The following ADAMTS10 variants were observed in gnomAD, a reference collection of about 807,000 sequenced individuals.
The protein encoded by ADAMTS10 is A disintegrin and metalloproteinase with thrombospondin motifs 10.
In ADAMTS10, 48 loss-of-function variants were observed where a neutral mutation model predicts 135.9. The observed-to-expected ratio is 0.35, with a 90% CI of 0.28 to 0.45. The LOEUF (loss-of-function observed/expected upper bound fraction) is 0.45, where lower values mean the gene tolerates loss of function less well. ADAMTS10 is among the 20% of genes least tolerant of loss of function. The pLI is 1.00. For synonymous variants in ADAMTS10, 621 were observed against 647.5 expected, an observed-to-expected ratio of 0.96 and a Z score of 0.62; for missense variants, 1,131 against 1,565.2, an observed-to-expected ratio of 0.72 and a Z score of 4.68.
At chr19:8,585,423 T>C (rs2146039661) in intron 23 of ADAMTS10, 33 bp downstream of exon 23, 1 of 1,537,422 alleles carries the variant, frequency 6.5e-7, no homozygotes, top group East Asian at 2.5e-5. Flanking sequence ...CACCTGGGCA[T>C]CCCAGTGGGC....
At chr19:8,610,422 GACAC>G (rs111492620) in intron 1 of ADAMTS10, among the ~76,000 whole-genome samples, 32 of 145,712 alleles carry the variant, frequency 2.2e-4, no homozygotes, top group African/African-American at 4.4e-4. Context: ...TACGTGGACG[GACAC>G]ACACACACAC....
At position 8,580,366 on chromosome 19, in the gene ADAMTS10, G is replaced by A. The variant is rs1005550265; in HGVS notation, c.*527C>T. 11 of 158,730 alleles carry A rather than the reference G, an allele frequency of 6.9e-5. No homozygotes were observed. The highest frequency in any genetic ancestry group is 1.3e-4 in the Non-Finnish European group (9 of 71,158). The allele number at this position is 158,730 out of a possible 1,614,324, so 9.8% of individuals were successfully genotyped here. ...CTGGATGTCGGGGTGCCCCTGGGGC[G>A]GGCAGGGCAGAGGTTGGGGTGGATC... On this transcript the variant is annotated 3_prime_UTR_variant, in exon 26 of 26. Coordinates refer to ENST00000597188, the MANE Select transcript of ADAMTS10 (RefSeq NM_030957.4).
chr19:8,595,698 T>TCCCAA, intron 12 of ADAMTS10, 64 bp downstream of exon 12: 35 of 1,291,946 alleles, frequency 2.7e-5, no homozygotes, highest in Non-Finnish European at 3.7e-5. Flanking sequence ...CTGGTGGAGT[T>TCCCAA]CCCTCCCCCA....
rs782064165 is a variant in ADAMTS10 at position 8,585,600 on chromosome 19, G to C, written c.2721C>G (p.Arg907=). The change falls in exon 23 of 26, where the codon CGC becomes CGG. Residue 907 remains arginine, a synonymous_variant. Coordinates refer to ENST00000597188, the MANE Select transcript of ADAMTS10 (RefSeq NM_030957.4). ...AGACGCGGCGCTGGCACACGACCGA[G>C]CGGCTGCGCACGCCTGCATCGCAGC... The part of the protein sequence containing the change: ...SRSCDAGVRS[R]SVVCQRRVSA... 4.3e-6 allele frequency: 7 copies of C among 1,610,756 alleles called. No homozygotes were observed. In the East Asian group the frequency reaches 1.6e-4, roughly 36 times the overall value.
At chr19:8,607,821 T>C (rs1338425706) in intron 2 of ADAMTS10, among the ~76,000 whole-genome samples, 1 of 126,784 alleles carries the variant, frequency 7.9e-6, no homozygotes, top group African/African-American at 2.9e-5. Context: ...TCTCTCTCTC[T>C]TTTTTTTTGA....
At chr19:8,585,956 C>G (rs921811866) in intron 22 of ADAMTS10, among the ~76,000 whole-genome samples, 166 bp downstream of exon 22, 1 of 152,126 alleles carries the variant, frequency 6.6e-6, no homozygotes, top group Admixed American at 6.6e-5. Context: ...GGCACTATTA[C>G]CTTGGACTCC....
In ADAMTS10 at chr19:8,592,336, T is replaced by C. The variant is rs1568398905; in HGVS notation, c.1588-233A>G. On this transcript the variant is annotated intron_variant, in intron 13 of 25. Transcript: ENST00000597188. ...ACAGGGTGCTTAACGGGGAGGGGTG[T>C]AGACAGGACCACGATAAGCGTGGAG... 8.5e-5 allele frequency: 66 copies of C among 777,930 alleles called. 1 individual carries two copies. In the South Asian group the frequency reaches 1.2e-3, roughly 14 times the overall value. 48.2% of individuals were successfully genotyped at this position (777,930 alleles called of 1,614,324 possible).
At chr19:8,600,315 G>A (rs782421083) in intron 6 of ADAMTS10, among the ~76,000 whole-genome samples, 2 of 152,080 alleles carry the variant, frequency 1.3e-5, no homozygotes, top group African/African-American at 4.8e-5. Flanking sequence ...GTGGCAGAGC[G>A]GAAATTTAAG....
Position 8,605,526 on chromosome 19 carries a change from C to T in ADAMTS10, c.88+97G>A, listed in dbSNP as rs2042712010. ...GACCCCAGGGCCTTCCCCCATTGAC[C>T]CCCATCCCAGCCCCCTGATGCCTCT... On this transcript the variant is annotated intron_variant, in intron 3 of 25. Coordinates refer to ENST00000597188, the MANE Select transcript of ADAMTS10 (RefSeq NM_030957.4). The surrounding 1 kb of genome is among the most constrained non-coding windows in gnomAD (Gnocchi z 7.7). 3.4e-6 allele frequency: 5 copies of T among 1,491,042 alleles called. No individual in the cohort carries two copies. Among genetic ancestry groups the T allele is most frequent in the South Asian group, 1.2e-5 (1 of 82,998 alleles). 92.4% of individuals were successfully genotyped at this position (1,491,042 alleles called of 1,614,324 possible).
At chr19:8,592,600 G>A (rs1037366089) in intron 13 of ADAMTS10, among the ~76,000 whole-genome samples, 163 bp downstream of exon 13, 1 of 150,798 alleles carries the variant, frequency 6.6e-6, no homozygotes, top group Non-Finnish European at 1.5e-5. Flanking sequence ...ACGCGGGAAG[G>A]AGCAAGCAGT....
Position 8,586,473 on chromosome 19 carries a change from G to A in ADAMTS10, c.2404-3C>T. 6.2e-7 allele frequency: 1 copy of A among 1,613,510 alleles called. No individual in the cohort carries two copies. Among genetic ancestry groups the A allele is most frequent in the Non-Finnish European group, 8.5e-7 (1 of 1,179,998 alleles). On this transcript the variant is annotated splice_polypyrimidine_tract_variant and splice_region_variant and intron_variant, in intron 20 of 25. Transcript: ENST00000597188. ...GGCAGCTCGGTCCGGGCCAGCACCT[G>A]GAGAAAGGGGGCGGCAGCCAGTGGA...
intron 11 of ADAMTS10, 60 bp from the exon 12 acceptor site, chr19:8,595,963 C>T: frequency 6.2e-7 from 1 of 1,614,076 alleles, no homozygotes; most frequent in Non-Finnish European, 8.5e-7. Context: ...GCTCAGGAGC[C>T]TCAGCTGGAT....
chr19:8,601,201 C>A lies in ADAMTS10; in HGVS notation c.593-56G>T. 2 of 1,572,476 alleles carry A rather than the reference C, an allele frequency of 1.3e-6. No homozygotes were observed. The highest frequency in any genetic ancestry group is 1.7e-6 in the Non-Finnish European group (2 of 1,155,764). On this transcript the variant is annotated intron_variant, in intron 5 of 25. Coordinates refer to ENST00000597188, the MANE Select transcript of ADAMTS10 (RefSeq NM_030957.4). The surrounding 1 kb of genome is among the most constrained non-coding windows in gnomAD (Gnocchi z 4.6). Reference sequence around the variant, plus strand: ...GCCCTGCTGGTGGGACGCAGAGCTGCCTGACAACTGTCTTGTCCAACCTCT... The same window carrying A: ...GCCCTGCTGGTGGGACGCAGAGCTGACTGACAACTGTCTTGTCCAACCTCT...
At chr19:8,604,545 G>A (rs2042699427) in intron 4 of ADAMTS10, among the ~76,000 whole-genome samples, 1 of 151,016 alleles carries the variant, frequency 6.6e-6, no homozygotes, top group Admixed American at 6.6e-5. Flanking sequence ...GCAGTGTTGT[G>A]ATCTCAGATC....
chr19:8,597,261 A>G lies in ADAMTS10; in HGVS notation c.867T>C (p.Thr289=), dbSNP rs149527291. The change falls in exon 7 of 26, where the codon ACT becomes ACC. Residue 289 remains threonine, a synonymous_variant. Coordinates refer to ENST00000597188, the MANE Select transcript of ADAMTS10 (RefSeq NM_030957.4). Reference sequence around the variant, plus strand: ...GGTCCTCCGTGAGCAGGATGAGGCGAGTTACGAGGATGTTAACGGTGCTTC... The same window carrying G: ...GGTCCTCCGTGAGCAGGATGAGGCGGGTTACGAGGATGTTAACGGTGCTTC... The part of the protein sequence containing the change: ...SLGSTVNILV[T]RLILLTEDQP... 1.2e-6 allele frequency: 2 copies of G among 1,614,166 alleles called. No individual in the cohort carries two copies. The highest frequency in any genetic ancestry group is 1.7e-6 in the Non-Finnish European group (2 of 1,180,030).
At chr19:8,599,996 G>A (rs1555741090) in intron 6 of ADAMTS10, among the ~76,000 whole-genome samples, 1 of 151,108 alleles carries the variant, frequency 6.6e-6, no homozygotes, top group African/African-American at 2.4e-5. Context: ...CACCACGCCC[G>A]GCTAATGTTT....
chr19:8,605,325 A>T lies in ADAMTS10; in HGVS notation c.122T>A (p.Ile41Asn). 1 of 1,608,440 alleles carries T rather than the reference A, an allele frequency of 6.2e-7. No individual in the cohort carries two copies. Among genetic ancestry groups the T allele is most frequent in the Non-Finnish European group, 8.5e-7 (1 of 1,177,638 alleles). Residue 41 changes from isoleucine to asparagine, a missense_variant, in exon 4 of 26, where the codon ATC (isoleucine) becomes AAC (asparagine). Ile to Asn is a moderately radical substitution (Grantham distance 149). Around this residue, in one of 3 missense-constraint regions of ADAMTS10, gnomAD observed 306 missense variants for 344.4 expected, o/e 0.89. Coordinates refer to ENST00000597188, the MANE Select transcript of ADAMTS10 (RefSeq NM_030957.4). This position sits in a 1 kb window ranked among gnomAD's most constrained non-coding sequence, Gnocchi z 7.7. The part of the protein sequence containing the change: ...EFLSSLESYE[I>N]AFPTRVDHNG... Reference sequence around the variant, plus strand: ...GTGGTCCACGCGGGTGGGGAAGGCGATCTCATAGCTCTCCAGACTGGACAG... The same window carrying T: ...GTGGTCCACGCGGGTGGGGAAGGCGTTCTCATAGCTCTCCAGACTGGACAG...
chr19:8,585,372 G>A lies in ADAMTS10; in HGVS notation c.2866-64C>T, dbSNP rs782037978. On this transcript the variant is annotated intron_variant, in intron 23 of 25. Coordinates refer to ENST00000597188, the MANE Select transcript of ADAMTS10 (RefSeq NM_030957.4). ...CCCAGTGCGAAGTGAGGAGGGGACA[G>A]CTAACCTGGAGACCGCGCAGAGGCG... 7 of 1,534,676 alleles carry A rather than the reference G, an allele frequency of 4.6e-6. No homozygotes were observed. The Admixed American group carries it at 5.9e-5, about 13-fold the overall frequency.
At chr19:8,597,421 G>A (rs1040564653) in intron 6 of ADAMTS10, 104 bp from the exon 7 acceptor site, 7 of 1,018,376 alleles carry the variant, frequency 6.9e-6, no homozygotes, top group South Asian at 1.4e-5. Flanking sequence ...GGCACCTACT[G>A]TGTGTCGGGT....
Sources: allele counts gnomAD v4.1 joint callset (sites outside exome capture counted in the v4.1 genomes callset), GRCh38; gene constraint gnomAD v4.1.1; regional missense constraint gnomAD v4.1.1; non-coding constraint Gnocchi (gnomAD v3.1); transcripts MANE v1.5; gene names NCBI Gene and HGNC (gene_info 2026-07-23, HGNC 2026-07-21).